ADGRL3: variants seen among roughly 807,000 people sequenced by gnomAD.
The protein encoded by ADGRL3 is adhesion G protein-coupled receptor L3.
ADGRL3 carries 62 observed loss-of-function variants against 153.5 expected under a neutral mutation model. The ratio of observed to expected loss-of-function variants is 0.40; its 90% CI spans 0.33 to 0.50. ADGRL3 has a LOEUF of 0.50. Among genes scored for constraint, ADGRL3 ranks in the 20% least tolerant of loss-of-function variants. ADGRL3 has a pLI of 0.47. For synonymous variants in ADGRL3, 710 were observed against 672.5 expected, an observed-to-expected ratio of 1.06 and a Z score of -0.86; for missense variants, 1,641 against 1,859.4, an observed-to-expected ratio of 0.88 and a Z score of 2.16.
Position 61,200,877 on chromosome 4 carries a change from A to C in ADGRL3, c.-1128A>C, listed in dbSNP as rs1734443426. Among the ~76,000 whole-genome samples the C allele has an allele frequency of 1.3e-5, 2 of 150,428 alleles. No homozygotes were observed. Among genetic ancestry groups the C allele is most frequent in the South Asian group, 2.1e-4 (1 of 4,756 alleles). On this transcript the variant is annotated 5_prime_UTR_variant, in exon 1 of 27. Coordinates refer to ENST00000683033, the MANE Select transcript of ADGRL3 (RefSeq NM_001387552.1). ...GGCCCGGCCGGCGAGCTAATCATCCACCCCACGGGCTCGGGGTTCGCCGGC... is the reference window on the plus strand; with the variant it reads ...GGCCCGGCCGGCGAGCTAATCATCCCCCCCACGGGCTCGGGGTTCGCCGGC...
rs947057227 is a variant in ADGRL3, at chr4:61,908,846, A to G, written c.1888-714A>G. ...TCTTACCAATTAATATATATTCCTA[A>G]CTTCGAATTACCCATGGCTATCAAA... On this transcript the variant is annotated intron_variant, in intron 11 of 26. Coordinates refer to ENST00000683033, the MANE Select transcript of ADGRL3 (RefSeq NM_001387552.1). Among the ~76,000 whole-genome samples the G allele has an allele frequency of 2.0e-5, 3 of 152,130 alleles. No individual in the cohort carries two copies. In the East Asian group the frequency reaches 5.8e-4, roughly 29 times the overall value.
In ADGRL3 at chr4:62,070,503, C is replaced by T; in HGVS notation, c.4227C>T (p.Tyr1409=). 5 of 1,550,168 alleles carry T rather than the reference C, an allele frequency of 3.2e-6. No homozygotes were observed. The South Asian group carries it at 3.6e-5, about 11-fold the overall frequency. Residue 1409 remains tyrosine (Y), a synonymous_variant, in exon 27 of 27, where the codon TAC becomes TAT. Transcript: ENST00000683033. ...SDAPLLPPRV[Y]STENHQPHHY... is the part of the protein sequence containing the mutation. ...CTCCTTTGCTGCCCCCAAGAGTATA[C>T]TCCACCGAGAACCACCAGCCACACC...
chr4:61,955,703 C>A (rs898774920), intron 17 of ADGRL3, among the ~76,000 whole-genome samples: 1 of 152,098 alleles, frequency 6.6e-6, no homozygotes, highest in Admixed American at 6.6e-5. Context: ...AATCCCACAA[C>A]AGGGCCTGGT....
In ADGRL3 at chr4:61,921,877, C is replaced by T. The variant is rs139120975; in HGVS notation, c.2112+9120C>T. Reference sequence around the variant, plus strand: ...CCGACCCACACAATAGGGTAGCATTCTGCCATGGAAAAGAGTAAATGTGTA... The same window carrying T: ...CCGACCCACACAATAGGGTAGCATTTTGCCATGGAAAAGAGTAAATGTGTA... On this transcript the variant is annotated intron_variant, in intron 13 of 26. Coordinates refer to ENST00000683033, the MANE Select transcript of ADGRL3 (RefSeq NM_001387552.1). 6.8e-3 allele frequency among the ~76,000 whole-genome samples: 1,034 copies of T among 152,292 alleles called. 7 individuals carry two copies. Among genetic ancestry groups the T allele is most frequent in the Admixed American group, 0.012 (178 of 15,292 alleles).
intron 1 of ADGRL3, among the ~76,000 whole-genome samples, chr4:61,369,607 T>G (rs1307162223): frequency 2.0e-5 from 3 of 152,180 alleles, no homozygotes; most frequent in Non-Finnish European, 4.4e-5. Flanking sequence ...ATAAGCTTTT[T>G]GATGTGCTGC....
chr4:61,337,544 C>A (rs967082955), intron 1 of ADGRL3, among the ~76,000 whole-genome samples: 1 of 152,160 alleles, frequency 6.6e-6, no homozygotes, highest in Non-Finnish European at 1.5e-5. Context: ...GATCAAGGGA[C>A]TACCTTCCTC....
chr4:61,713,677 A>C (rs1008309775), intron 6 of ADGRL3, among the ~76,000 whole-genome samples: 3 of 152,062 alleles, frequency 2.0e-5, no homozygotes, highest in Non-Finnish European at 4.4e-5. Context: ...TTCCTTGCTA[A>C]GATGTACTTT....
intron 9 of ADGRL3, among the ~76,000 whole-genome samples, chr4:61,843,124 A>C (rs753184214): frequency 3.3e-5 from 5 of 152,200 alleles, no homozygotes; most frequent in Non-Finnish European, 7.3e-5. Flanking sequence ...GTATGATAGA[A>C]GAAAGACAGA....
At chr4:61,363,107 A>C (rs945638672) in intron 1 of ADGRL3, among the ~76,000 whole-genome samples, 1 of 152,164 alleles carries the variant, frequency 6.6e-6, no homozygotes, top group Admixed American at 6.5e-5. Context: ...TTCTTTTAGA[A>C]CTTTACATTG....
At chr4:61,229,269 T>C (rs1175306459) in intron 1 of ADGRL3, among the ~76,000 whole-genome samples, 1 of 152,218 alleles carries the variant, frequency 6.6e-6, no homozygotes, top group Non-Finnish European at 1.5e-5. Flanking sequence ...CCTTATTTAC[T>C]TGTTTATGAA....
rs190980613 is a variant in ADGRL3, at chr4:61,933,081, T to C, written c.2113-1759T>C. 1.2e-3 allele frequency among the ~76,000 whole-genome samples: 186 copies of C among 152,154 alleles called. 1 individual carries two copies. Among genetic ancestry groups the C allele is most frequent in the Non-Finnish European group, 1.5e-3 (100 of 67,990 alleles). On this transcript the variant is annotated intron_variant, in intron 13 of 26. Transcript: ENST00000683033. ...ATTTTAATTAATTATTATAAGATTA[T>C]TAACTAACTATTAAGATTATCAGCA...
chr4:61,869,304 G>A (rs2098421367), intron 9 of ADGRL3, among the ~76,000 whole-genome samples: 1 of 152,204 alleles, frequency 6.6e-6, no homozygotes, highest in Non-Finnish European at 1.5e-5. Context: ...AGTACTGAGA[G>A]ATTTAAAAAT....
chr4:61,383,696 G>A (rs2096701557), intron 2 of ADGRL3, among the ~76,000 whole-genome samples: 1 of 151,556 alleles, frequency 6.6e-6, no homozygotes, highest in Non-Finnish European at 1.5e-5. Context: ...TCTTTTGGTA[G>A]CAACACGATG....
intron 1 of ADGRL3, among the ~76,000 whole-genome samples, chr4:61,214,584 A>G (rs959341584): frequency 2.0e-5 from 3 of 152,174 alleles, no homozygotes. Context: ...TAATGAGTAA[A>G]CATGAACACA....
chr4:61,259,205 C>T (rs2092292619), intron 1 of ADGRL3, among the ~76,000 whole-genome samples: 1 of 152,016 alleles, frequency 6.6e-6, no homozygotes, highest in South Asian at 2.1e-4. Context: ...CGGCGGATCA[C>T]GAGGTCAGGA....
chr4:61,510,498 C>G (rs1422078005), intron 3 of ADGRL3, among the ~76,000 whole-genome samples: 3 of 152,110 alleles, frequency 2.0e-5, no homozygotes, highest in Non-Finnish European at 4.4e-5. Flanking sequence ...TATCCTAACA[C>G]CGTTTATTAA....
intron 4 of ADGRL3, among the ~76,000 whole-genome samples, chr4:61,543,830 A>G (rs2098701699): frequency 6.6e-6 from 1 of 152,192 alleles, no homozygotes; most frequent in Non-Finnish European, 1.5e-5. Context: ...CTGTATTGCT[A>G]TAAAGTTTGT....
intron 5 of ADGRL3, among the ~76,000 whole-genome samples, chr4:61,614,655 G>A (rs1040445550): frequency 2.6e-5 from 4 of 152,136 alleles, no homozygotes; most frequent in Admixed American, 2.6e-4. Context: ...GTGGAATGGT[G>A]AGCACTTTTT....
At chr4:61,858,920 T>C (rs2098310482) in intron 9 of ADGRL3, among the ~76,000 whole-genome samples, 1 of 152,066 alleles carries the variant, frequency 6.6e-6, no homozygotes, top group South Asian at 2.1e-4. Flanking sequence ...CCTCTTTGGA[T>C]TGATGGGGAT....
Sources: gnomAD v4.1 joint callset for allele counts (sites outside exome capture counted in the v4.1 genomes callset) on GRCh38, gnomAD v4.1.1 for gene constraint, MANE v1.5 for transcripts, NCBI Gene and HGNC (gene_info 2026-07-23, HGNC 2026-07-21) for gene names.